IMMP1L: variants seen among roughly 807,000 people sequenced by gnomAD.
IMMP1L encodes the protein inner mitochondrial membrane peptidase subunit 1.
Under a neutral mutation model 21.8 loss-of-function variants are expected in IMMP1L, and 24 were observed. The ratio of observed to expected loss-of-function variants is 1.10; its 90% CI spans 0.80 to 1.55. IMMP1L has a LOEUF of 1.55. IMMP1L is among the 40% of genes most tolerant of loss of function. IMMP1L has a pLI of 0.00. For missense variants in IMMP1L, 195 were observed against 200.7 expected, an observed-to-expected ratio of 0.97 and a Z score of 0.17; for synonymous variants, 46 against 62.8, an observed-to-expected ratio of 0.73 and a Z score of 1.26.
At chr11:31,455,303 T>C (rs995864540) in intron 4 of IMMP1L, among the ~76,000 whole-genome samples, 1 of 152,160 alleles carries the variant, frequency 6.6e-6, no homozygotes, top group African/African-American at 2.4e-5. Flanking sequence ...CATTAATAAT[T>C]TGATAGTGAC....
At chr11:31,448,035 G>A (rs991107484) in intron 4 of IMMP1L, among the ~76,000 whole-genome samples, 20 of 152,086 alleles carry the variant, frequency 1.3e-4, no homozygotes, top group Non-Finnish European at 2.4e-4. Flanking sequence ...GCACCTGGGC[G>A]CGGTGGCTCA....
intron 4 of IMMP1L, among the ~76,000 whole-genome samples, chr11:31,445,106 T>C (rs1953470385): frequency 6.6e-6 from 1 of 152,222 alleles, no homozygotes; most frequent in South Asian, 2.1e-4. Flanking sequence ...TAATACAGCT[T>C]GATCTATATA....
At chr11:31,501,448 C>T (rs1329959099) in intron 1 of IMMP1L, among the ~76,000 whole-genome samples, 1 of 152,168 alleles carries the variant, frequency 6.6e-6, no homozygotes, top group East Asian at 1.9e-4. Context: ...GGCCACTCCA[C>T]TATGTGATAA....
intron 4 of IMMP1L, among the ~76,000 whole-genome samples, chr11:31,443,605 G>A (rs1953412542): frequency 6.6e-6 from 1 of 152,146 alleles, no homozygotes; most frequent in South Asian, 2.1e-4. Flanking sequence ...GTTTCCAAAT[G>A]CTAGATGCAT....
chr11:31,456,525 T>C, intron 3 of IMMP1L, 139 bp from the exon 4 acceptor site: 1 of 510,126 alleles, frequency 2.0e-6, no homozygotes, highest in South Asian at 4.8e-5. Flanking sequence ...CTTCCACACA[T>C]TTACTGGCTT....
chr11:31,476,792 T>C (rs1954745051), intron 1 of IMMP1L, among the ~76,000 whole-genome samples: 1 of 152,088 alleles, frequency 6.6e-6, no homozygotes, highest in African/African-American at 2.4e-5. Context: ...TTCACTTCAT[T>C]TTCTCTCAGT....
At chr11:31,472,566 T>C (rs1954592577) in intron 1 of IMMP1L, among the ~76,000 whole-genome samples, 1 of 152,172 alleles carries the variant, frequency 6.6e-6, no homozygotes, top group Non-Finnish European at 1.5e-5. Context: ...ACCAAAAAAT[T>C]CAGAATCTGT....
intron 1 of IMMP1L, among the ~76,000 whole-genome samples, chr11:31,500,950 A>C (rs1955599693): frequency 6.6e-6 from 1 of 152,240 alleles, no homozygotes. Context: ...CTTGATCTAA[A>C]GCTGTGTGAT....
intron 1 of IMMP1L, among the ~76,000 whole-genome samples, chr11:31,468,724 AATAC>A (rs1391018547): frequency 6.6e-6 from 1 of 152,208 alleles, no homozygotes; most frequent in African/African-American, 2.4e-5. Context: ...TAAACAAATA[AATAC>A]ATAAATACAT....
intron 4 of IMMP1L, chr11:31,448,905 C>T (rs946297841): frequency 5.5e-5 from 54 of 981,000 alleles, no homozygotes; most frequent in Non-Finnish European, 6.4e-5. Flanking sequence ...AATTTATCTT[C>T]AGAATTGTGT....
At chr11:31,507,315 A>G (rs1435632102) in intron 1 of IMMP1L, among the ~76,000 whole-genome samples, 1 of 152,126 alleles carries the variant, frequency 6.6e-6, no homozygotes, top group African/African-American at 2.4e-5. Context: ...ATCCTACGAT[A>G]GTGTTATACC....
At chr11:31,453,174 C>T (rs1190532643) in intron 4 of IMMP1L, 2 of 1,088,342 alleles carry the variant, frequency 1.8e-6, no homozygotes, top group Non-Finnish European at 2.4e-6. Context: ...AACAAACAAA[C>T]AAAAAAGAAC....
intron 1 of IMMP1L, among the ~76,000 whole-genome samples, chr11:31,498,440 T>G (rs1006204251): frequency 3.3e-5 from 5 of 152,172 alleles, no homozygotes; most frequent in African/African-American, 1.2e-4. Context: ...TTTGACAGGA[T>G]TAAAACAAGT....
intron 1 of IMMP1L, among the ~76,000 whole-genome samples, chr11:31,466,550 A>G (rs186840916): frequency 6.3e-4 from 96 of 152,294 alleles, no homozygotes; most frequent in Non-Finnish European, 1.2e-3. Flanking sequence ...AACATGCTAT[A>G]CATACACAAT....
chr11:31,461,172 T>C (rs914400167), intron 2 of IMMP1L, among the ~76,000 whole-genome samples: 3 of 152,236 alleles, frequency 2.0e-5, no homozygotes, highest in Admixed American at 6.5e-5. Flanking sequence ...ATTTACTAAA[T>C]GGTATTATAC....
Position 31,509,576 on chromosome 11 carries a change from C to A in IMMP1L, c.-87G>T. 3.3e-6 allele frequency: 2 copies of A among 601,778 alleles called. No homozygotes were observed. The highest frequency in any genetic ancestry group is 5.9e-6 in the Non-Finnish European group (2 of 340,808). The allele number at this position is 601,778 out of a possible 1,614,324, so 37.3% of individuals were successfully genotyped here. A position where few individuals can be genotyped will look rare whatever the true frequency, so the allele number is the denominator to read the frequency against. On this transcript the variant is annotated 5_prime_UTR_variant, in exon 1 of 6. Transcript: ENST00000532287. ...CCAGGACACAGGTGGGCCTTTCTCACCTGGGCCCCGCCGAAGTCGACCGTC... is the reference window on the plus strand; with the variant it reads ...CCAGGACACAGGTGGGCCTTTCTCAACTGGGCCCCGCCGAAGTCGACCGTC...
At chr11:31,461,839 T>G (rs1954150367) in intron 2 of IMMP1L, among the ~76,000 whole-genome samples, 1 of 152,114 alleles carries the variant, frequency 6.6e-6, no homozygotes, top group Non-Finnish European at 1.5e-5. Flanking sequence ...AAACTCTACC[T>G]CAGAATCAGA....
At chr11:31,434,754 AT>A (rs1422933093) in intron 4 of IMMP1L, among the ~76,000 whole-genome samples, 1 of 152,238 alleles carries the variant, frequency 6.6e-6, no homozygotes, top group Non-Finnish European at 1.5e-5. Context: ...GTTTAGATAC[AT>A]TTAAACATTA....
At chr11:31,452,844 A>T (rs1953802890) in intron 4 of IMMP1L, 1 of 711,800 alleles carries the variant, frequency 1.4e-6, no homozygotes, top group African/African-American at 2.0e-5. Flanking sequence ...TCCACCTCCC[A>T]GGTTGAAGCG....
Sources: allele counts gnomAD v4.1 joint callset (sites outside exome capture counted in the v4.1 genomes callset), GRCh38; gene constraint gnomAD v4.1.1; transcripts MANE v1.5; gene names NCBI Gene and HGNC (gene_info 2026-07-23, HGNC 2026-07-21).